Variants in RHBDD1 observed in about 807,000 individuals in gnomAD.
RHBDD1 encodes the protein rhomboid domain containing 1.
Under a neutral mutation model 36.3 loss-of-function variants are expected in RHBDD1, and 38 were observed. That is an observed-to-expected ratio of 1.05 (90% CI 0.81 to 1.37). The LOEUF (loss-of-function observed/expected upper bound fraction) is 1.37. Among genes scored for constraint, RHBDD1 ranks in the 40% most tolerant of loss-of-function variants. RHBDD1 has a pLI of 0.00. For synonymous variants in RHBDD1, 151 were observed against 136.5 expected, an observed-to-expected ratio of 1.11 and a Z score of -0.74; for missense variants, 393 against 377.6, an observed-to-expected ratio of 1.04 and a Z score of -0.34.
At chr2:226,947,318 T>C (rs1203370554) in intron 8 of RHBDD1, among the ~76,000 whole-genome samples, 3 of 151,970 alleles carry the variant, frequency 2.0e-5, no homozygotes, top group Non-Finnish European at 4.4e-5. Context: ...GCTTCCTACA[T>C]ATGGCTAGCC....
chr2:226,820,644 C>CAAAAAAAAAAA, the RHBDD1 span, among the ~76,000 whole-genome samples: 14 of 63,534 alleles, frequency 2.2e-4, no homozygotes, highest in Admixed American at 3.9e-4. Context: ...TCCATCTCCA[C>CAAAAAAAAAAA]AAAAAAAAAA....
chr2:226,888,020 G>T (rs115724469), intron 5 of RHBDD1, among the ~76,000 whole-genome samples: 1 of 152,196 alleles, frequency 6.6e-6, no homozygotes, highest in Non-Finnish European at 1.5e-5. Context: ...CTTGATGGCC[G>T]ACTCAGGGTG....
chr2:226,933,899 A>G (rs1014986971), intron 8 of RHBDD1, among the ~76,000 whole-genome samples: 10 of 152,122 alleles, frequency 6.6e-5, no homozygotes, highest in Admixed American at 3.9e-4. Flanking sequence ...GGATTTTTCC[A>G]TCATGAAATA....
intron 3 of RHBDD1, among the ~76,000 whole-genome samples, chr2:226,844,160 G>A (rs965667591): frequency 2.6e-5 from 4 of 152,188 alleles, no homozygotes; most frequent in African/African-American, 7.2e-5. Flanking sequence ...TTCAAAAGTT[G>A]TTGGTCACAT....
chr2:226,900,419 T>C (rs1947491844), intron 5 of RHBDD1, among the ~76,000 whole-genome samples: 1 of 152,168 alleles, frequency 6.6e-6, no homozygotes, highest in Non-Finnish European at 1.5e-5. Context: ...GCAGCAGTGG[T>C]GTGCCTGGCC....
At chr2:226,877,827 T>C (rs1945372667) in intron 5 of RHBDD1, among the ~76,000 whole-genome samples, 1 of 152,232 alleles carries the variant, frequency 6.6e-6, no homozygotes, top group Non-Finnish European at 1.5e-5. Context: ...AAGATATTCC[T>C]AAACACCATG....
chr2:226,892,699 G>A (rs1350049283), intron 5 of RHBDD1, among the ~76,000 whole-genome samples: 3 of 152,108 alleles, frequency 2.0e-5, no homozygotes, highest in Non-Finnish European at 2.9e-5. Flanking sequence ...GCCTACTCTC[G>A]AAATGTTTTT....
intron 5 of RHBDD1, among the ~76,000 whole-genome samples, chr2:226,870,863 T>TGAG (rs957026516): frequency 6.6e-6 from 1 of 151,806 alleles, no homozygotes; most frequent in Non-Finnish European, 1.5e-5. Flanking sequence ...ATCTTCACAT[T>TGAG]GAGGAGGAGG....
At chr2:226,988,501 C>T (rs1957494227) in intron 8 of RHBDD1, 2 of 1,529,030 alleles carry the variant, frequency 1.3e-6, no homozygotes, top group Non-Finnish European at 1.8e-6. Flanking sequence ...AAGACTCAGG[C>T]CTTGCGAGGT....
chr2:226,851,006 A>T (rs1942756781), intron 3 of RHBDD1, among the ~76,000 whole-genome samples: 1 of 152,110 alleles, frequency 6.6e-6, no homozygotes. Context: ...GAAATAAAAC[A>T]ACTTAACTCC....
intron 7 of RHBDD1, among the ~76,000 whole-genome samples, chr2:226,912,095 A>T (rs954750571): frequency 6.6e-6 from 1 of 152,186 alleles, no homozygotes; most frequent in Non-Finnish European, 1.5e-5. Flanking sequence ...AGATACACAC[A>T]TGGCCAATAA....
At chr2:226,892,619 A>G (rs1001451166) in intron 5 of RHBDD1, among the ~76,000 whole-genome samples, 2 of 152,192 alleles carry the variant, frequency 1.3e-5, no homozygotes, top group Non-Finnish European at 2.9e-5. Flanking sequence ...AGAATAGAAT[A>G]AGTAAGACCA....
At chr2:226,962,249 T>A (rs1291289548) in intron 8 of RHBDD1, among the ~76,000 whole-genome samples, 3 of 152,224 alleles carry the variant, frequency 2.0e-5, no homozygotes, top group African/African-American at 7.2e-5. Flanking sequence ...GGAATCTATT[T>A]ACAGTCAATT....
intron 8 of RHBDD1, among the ~76,000 whole-genome samples, chr2:226,963,819 G>T (rs1265946264): frequency 6.6e-6 from 1 of 151,958 alleles, no homozygotes; most frequent in Admixed American, 6.6e-5. Context: ...ACCTCCCTAA[G>T]AAAATGGAAT....
At chr2:226,927,335 T>G (rs569536835) in intron 8 of RHBDD1, among the ~76,000 whole-genome samples, 11 of 44,142 alleles carry the variant, frequency 2.5e-4, no homozygotes, top group African/African-American at 6.8e-4. Flanking sequence ...ATACCAGAAG[T>G]TTTTTTTTGT....
intron 8 of RHBDD1, among the ~76,000 whole-genome samples, chr2:226,951,800 T>C (rs1248674843): frequency 6.6e-6 from 1 of 152,254 alleles, no homozygotes; most frequent in Non-Finnish European, 1.5e-5. Context: ...GCAATGTCTT[T>C]AGGTGATTTC....
intron 8 of RHBDD1, chr2:226,935,152 A>G (rs1314279107): frequency 1.3e-5 from 2 of 152,166 alleles, no homozygotes; most frequent in Admixed American, 1.3e-4. Context: ...GGTGGAATAT[A>G]CTACAAAAGT....
chr2:226,826,409 G>C, the RHBDD1 span, among the ~76,000 whole-genome samples: 3 of 152,060 alleles, frequency 2.0e-5, no homozygotes, highest in Admixed American at 6.6e-5. Flanking sequence ...AATATGTCAG[G>C]ATAATTAACC....
chr2:226,876,619 A>G (rs960919259), intron 5 of RHBDD1, among the ~76,000 whole-genome samples: 2 of 152,204 alleles, frequency 1.3e-5, no homozygotes, highest in Admixed American at 1.3e-4. Context: ...AGTTTCTGCA[A>G]TCAGGCCCCT....
Sources: gnomAD v4.1 joint callset for allele counts (sites outside exome capture counted in the v4.1 genomes callset) on GRCh38, gnomAD v4.1.1 for gene constraint, MANE v1.5 for transcripts, NCBI Gene and HGNC (gene_info 2026-07-23, HGNC 2026-07-21) for gene names.